The following CRACD variants were observed in gnomAD, a reference collection of about 807,000 sequenced individuals.
CRACD encodes capping protein inhibiting regulator of actin dynamics.
CRACD carries 56 observed loss-of-function variants against 106.8 expected under a neutral mutation model. That is an observed-to-expected ratio of 0.52 (90% CI 0.42 to 0.66). CRACD has a LOEUF of 0.66. Ranked by LOEUF, CRACD falls within the 30% of genes least tolerant of loss-of-function variation. The probability of loss-of-function intolerance (pLI) is 0.00; values close to 1 mark genes in which losing one functional copy is unlikely to be tolerated. For synonymous variants in CRACD, 754 were observed against 670.8 expected, an observed-to-expected ratio of 1.12 and a Z score of -1.92; for missense variants, 1,730 against 1,623.2, an observed-to-expected ratio of 1.07 and a Z score of -1.13.
chr4:56,194,581 G>A (rs1737521487), intron 2 of CRACD, among the ~76,000 whole-genome samples: 1 of 152,146 alleles, frequency 6.6e-6, no homozygotes, highest in Non-Finnish European at 1.5e-5. Flanking sequence ...AGGCCATGAG[G>A]GCAGAGCCCT....
chr4:56,180,855 T>C (rs900627230), intron 2 of CRACD, among the ~76,000 whole-genome samples: 24 of 152,230 alleles, frequency 1.6e-4, no homozygotes, highest in Non-Finnish European at 2.9e-5. Flanking sequence ...TTAAAGAAGA[T>C]AAAAGTCAGT....
intron 3 of CRACD, among the ~76,000 whole-genome samples, chr4:56,294,769 C>T (rs780038493): frequency 6.6e-6 from 1 of 151,722 alleles, no homozygotes; most frequent in Non-Finnish European, 1.5e-5. Flanking sequence ...CAAAAATTAA[C>T]CAGGCGTGGT....
At chr4:56,170,618 G>A (rs1736324585) in intron 1 of CRACD, among the ~76,000 whole-genome samples, 2 of 151,952 alleles carry the variant, frequency 1.3e-5, no homozygotes, top group African/African-American at 4.8e-5. Flanking sequence ...GAGAAAGGAG[G>A]GTTGCTTGAG....
intron 2 of CRACD, among the ~76,000 whole-genome samples, chr4:56,190,601 T>C (rs911139187): frequency 6.6e-6 from 1 of 152,240 alleles, no homozygotes; most frequent in Non-Finnish European, 1.5e-5. Context: ...CATGCTGATA[T>C]AAGAGGTGGG....
intron 1 of CRACD, among the ~76,000 whole-genome samples, chr4:56,122,288 T>C (rs1305343521): frequency 5.1e-5 from 6 of 118,026 alleles, no homozygotes; most frequent in Non-Finnish European, 1.1e-4. Flanking sequence ...AAATAAAGCA[T>C]ATAACCTCCA....
At chr4:56,282,075 G>T (rs1029436645) in intron 3 of CRACD, among the ~76,000 whole-genome samples, 1 of 152,186 alleles carries the variant, frequency 6.6e-6, no homozygotes, top group Non-Finnish European at 1.5e-5. Flanking sequence ...TAGTTTGTTT[G>T]ATGAGGATAT....
At chr4:56,122,974 T>G (rs1254185408) in intron 1 of CRACD, among the ~76,000 whole-genome samples, 1 of 152,252 alleles carries the variant, frequency 6.6e-6, no homozygotes, top group African/African-American at 2.4e-5. Context: ...CAAACTGTTA[T>G]GAGCATAGAT....
chr4:56,085,926 A>G (rs1458874881), intron 1 of CRACD, among the ~76,000 whole-genome samples: 1 of 152,062 alleles, frequency 6.6e-6, no homozygotes, highest in African/African-American at 2.4e-5. Flanking sequence ...TTCATGGTAT[A>G]GTTTCTCTTT....
At chr4:56,069,565 C>T (rs1008791948) in intron 1 of CRACD, among the ~76,000 whole-genome samples, 2 of 152,154 alleles carry the variant, frequency 1.3e-5, no homozygotes, top group African/African-American at 4.8e-5. Flanking sequence ...TCCTAAGTAT[C>T]AAGGAGAAAA....
chr4:56,094,996 A>C (rs1363605309), intron 1 of CRACD, among the ~76,000 whole-genome samples: 1 of 152,222 alleles, frequency 6.6e-6, no homozygotes, highest in Non-Finnish European at 1.5e-5. Context: ...ATTCCTCAGC[A>C]ATACATTTAC....
chr4:56,296,671 C>A (rs1327021495), intron 3 of CRACD, among the ~76,000 whole-genome samples: 1 of 152,146 alleles, frequency 6.6e-6, no homozygotes, highest in African/African-American at 2.4e-5. Context: ...GGGCCCCTTT[C>A]TGGGGAGGGG....
chr4:56,116,485 A>G (rs554079750), intron 1 of CRACD, among the ~76,000 whole-genome samples: 2 of 152,300 alleles, frequency 1.3e-5, no homozygotes, highest in African/African-American at 4.8e-5. Flanking sequence ...TGATGATTAT[A>G]TAGAACATTA....
intron 1 of CRACD, among the ~76,000 whole-genome samples, chr4:56,086,780 G>A (rs2109814726): frequency 1.3e-5 from 2 of 152,114 alleles, no homozygotes; most frequent in East Asian, 3.9e-4. Context: ...AATCAGCCTG[G>A]CCCCCATCAA....
At chr4:56,302,752 A>G (rs966322767) in intron 4 of CRACD, among the ~76,000 whole-genome samples, 95 of 152,288 alleles carry the variant, frequency 6.2e-4, no homozygotes, top group African/African-American at 2.0e-3. Context: ...CTCTTTAGAC[A>G]TAGTCTGAAG....
intron 1 of CRACD, among the ~76,000 whole-genome samples, chr4:56,061,364 G>T (rs576566714): frequency 3.9e-5 from 6 of 152,198 alleles, no homozygotes; most frequent in African/African-American, 1.2e-4. Context: ...TAGACATGGG[G>T]TCTTGCCATG....
chr4:56,070,734 G>A (rs1229628731), intron 1 of CRACD, among the ~76,000 whole-genome samples: 3 of 152,120 alleles, frequency 2.0e-5, no homozygotes, highest in Non-Finnish European at 4.4e-5. Context: ...GGGTGGTGAT[G>A]GGGGGTCAAA....
chr4:56,085,902 A>G (rs371146280), intron 1 of CRACD, among the ~76,000 whole-genome samples: 1 of 152,144 alleles, frequency 6.6e-6, no homozygotes, highest in East Asian at 1.9e-4. Context: ...TAGATTTTTA[A>G]TATTATGTAT....
chr4:56,091,076 G>A (rs866413566), intron 1 of CRACD, among the ~76,000 whole-genome samples: 42 of 151,820 alleles, frequency 2.8e-4, no homozygotes, highest in African/African-American at 7.3e-4. Context: ...ATTTTGAGAT[G>A]GGGTCTATCT....
intron 2 of CRACD, among the ~76,000 whole-genome samples, chr4:56,257,117 T>C (rs545864446): frequency 6.1e-4 from 90 of 148,022 alleles, no homozygotes; most frequent in African/African-American, 2.1e-3. Flanking sequence ...AGTCTCACTA[T>C]GTCACCCAGT....
Sources: gnomAD v4.1 joint callset for allele counts (sites outside exome capture counted in the v4.1 genomes callset) on GRCh38, gnomAD v4.1.1 for gene constraint, MANE v1.5 for transcripts, NCBI Gene and HGNC (gene_info 2026-07-23, HGNC 2026-07-21) for gene names.